The following DMXL1 variants were observed in gnomAD, a reference collection of about 807,000 sequenced individuals.
The protein encoded by DMXL1 is Dmx like 1, also known as dmX-like protein 1.
DMXL1 carries 99 observed loss-of-function variants against 319.2 expected under a neutral mutation model. That is an observed-to-expected ratio of 0.31 (90% CI 0.26 to 0.37). DMXL1 has a LOEUF of 0.37. DMXL1 is among the 10% of genes least tolerant of loss of function. The pLI, the probability that DMXL1 is intolerant of heterozygous loss-of-function variation, is 1.00. For synonymous variants in DMXL1, 1,385 were observed against 1,235.2 expected (o/e 1.12, Z -2.54); for missense variants, 3,745 against 3,595.6 (o/e 1.04, Z -1.06).
intron 9 of DMXL1, among the ~76,000 whole-genome samples, chr5:119,122,421 C>T (rs1020182710): frequency 3.1e-4 from 46 of 148,332 alleles, no homozygotes; most frequent in Non-Finnish European, 1.2e-4. Context: ...CCGGATGGGG[C>T]AGCTGGCCGG....
intron 7 of DMXL1, among the ~76,000 whole-genome samples, chr5:119,117,953 T>C (rs970474153): frequency 2.6e-5 from 4 of 152,276 alleles, no homozygotes; most frequent in African/African-American, 7.2e-5. Context: ...ATATGTATGC[T>C]GGAACAAGTT....
At chr5:119,219,560 A>T (rs61578098) in intron 35 of DMXL1, among the ~76,000 whole-genome samples, 12 of 151,132 alleles carry the variant, frequency 7.9e-5, no homozygotes, top group African/African-American at 2.9e-4. Flanking sequence ...ACATTTAATT[A>T]ATTAATTAAT....
At chr5:119,204,927 A>G (rs1366130547) in intron 33 of DMXL1, among the ~76,000 whole-genome samples, 2 of 152,210 alleles carry the variant, frequency 1.3e-5, no homozygotes, top group Admixed American at 6.5e-5. Context: ...TTAAAGGAAA[A>G]TTACATATAT....
intron 35 of DMXL1, among the ~76,000 whole-genome samples, chr5:119,220,010 C>CT (rs5870841): frequency 2.0e-4 from 28 of 140,118 alleles, no homozygotes; most frequent in South Asian, 6.8e-4. Context: ...TTTCCCACTT[C>CT]TTTTTTTTTT....
intron 29 of DMXL1, 53 bp downstream of exon 29, chr5:119,189,939 A>C: frequency 1.3e-6 from 2 of 1,512,138 alleles, no homozygotes; most frequent in Non-Finnish European, 1.8e-6. Context: ...AGAAATGAGA[A>C]TATCAGAAAT....
intron 38 of DMXL1, 66 bp from the exon 39 acceptor site, chr5:119,233,274 T>C (rs967622077): frequency 2.0e-6 from 3 of 1,527,954 alleles, no homozygotes; most frequent in Non-Finnish European, 2.7e-6. Flanking sequence ...TCACATAGGA[T>C]AAAGAAATAA....
chr5:119,129,246 C>G lies in DMXL1; in HGVS notation c.1138C>G (p.Leu380Val). 1.2e-6 allele frequency: 2 copies of G among 1,612,986 alleles called. No homozygotes were observed. The highest frequency in any genetic ancestry group is 1.7e-6 in the Non-Finnish European group (2 of 1,179,350). The change falls in exon 10 of 44, where the codon CTA becomes GTA. Residue 380 changes from leucine (L) to valine (V), a missense_variant. Transcript: ENST00000539542. The stretch of plus-strand genomic sequence containing the variant: ...TCTTCCATCTATTACATCTCTGAGT[C>G]TAAATGAAAATGAAGAGAAGACCGG... ...PLLPSITSLS[L>V]NENEEKTGPF...
Position 119,189,739 on chromosome 5 carries a change from GAAC to G in DMXL1, c.7170_7172del (p.Asn2390del). The G allele has an allele frequency of 6.2e-7, 1 of 1,613,990 alleles. No homozygotes were observed. Among genetic ancestry groups the G allele is most frequent in the South Asian group, 1.1e-5 (1 of 91,068 alleles). On this transcript the variant is annotated inframe_deletion, in exon 29 of 44. Transcript: ENST00000539542. Reference sequence around the variant, plus strand: ...CACTAGTTGAAGAAGGAGAAAAACAGAACAAACGTTTTAGGCCGTCAAAAATGT... The same window carrying G: ...CACTAGTTGAAGAAGGAGAAAAACAGAAACGTTTTAGGCCGTCAAAAATGT...
intron 32 of DMXL1, among the ~76,000 whole-genome samples, chr5:119,198,723 C>G (rs1780114140): frequency 6.6e-6 from 1 of 152,204 alleles, no homozygotes; most frequent in African/African-American, 2.4e-5. Flanking sequence ...TGACTTCAAA[C>G]TGTACTACAA....
chr5:119,071,334 C>T lies in DMXL1; in HGVS notation c.-236C>T. 1.9e-6 allele frequency: 1 copy of T among 521,736 alleles called. No homozygotes were observed. The highest frequency in any genetic ancestry group is 3.4e-6 in the Non-Finnish European group (1 of 296,138). The allele number at this position is 521,736 out of a possible 1,614,324, so 32.3% of individuals were successfully genotyped here. ...GCTAGCGCGGGGAGTGACAGGTGCG[C>T]GAAGGAGCGCGGCGCTCCGCCCTCT... is the stretch of plus-strand genomic sequence containing the variant. On this transcript the variant is annotated 5_prime_UTR_variant, in exon 1 of 44. Coordinates refer to ENST00000539542, the MANE Select transcript of DMXL1 (RefSeq NM_001290321.3).
chr5:119,248,885 G>T lies in DMXL1; in HGVS notation c.*1666G>T, dbSNP rs1042410704. 6.6e-6 allele frequency: 1 copy of T among 152,388 alleles called. No individual in the cohort carries two copies. The highest frequency in any genetic ancestry group is 1.5e-5 in the Non-Finnish European group (1 of 67,904). 9.4% of individuals were successfully genotyped at this position (152,388 alleles called of 1,614,324 possible). A position where few individuals can be genotyped will look rare whatever the true frequency, so the allele number is the denominator to read the frequency against. On this transcript the variant is annotated 3_prime_UTR_variant, in exon 44 of 44. Coordinates refer to ENST00000539542, the MANE Select transcript of DMXL1 (RefSeq NM_001290321.3). ...TGACAGCATTGCAAACAATAGTATT[G>T]TTTGATGTAGTTAACCTTAAGTTAT...
chr5:119,148,655 A>T, intron 17 of DMXL1, 84 bp from the exon 18 acceptor site: 1 of 1,375,734 alleles, frequency 7.3e-7, no homozygotes, highest in East Asian at 2.3e-5. Flanking sequence ...AGTAGTTAAT[A>T]CAAAAGACTA....
intron 25 of DMXL1, among the ~76,000 whole-genome samples, chr5:119,173,736 G>GTA (rs199498213): frequency 6.3e-5 from 7 of 111,918 alleles, no homozygotes; most frequent in Non-Finnish European, 1.1e-4. Context: ...ATATATGTGT[G>GTA]TATATATATA....
At chr5:119,140,260 A>G (rs1767008362) in intron 13 of DMXL1, among the ~76,000 whole-genome samples, 2 of 152,250 alleles carry the variant, frequency 1.3e-5, no homozygotes, top group African/African-American at 4.8e-5. Context: ...AAGATAAGCA[A>G]TAATCAAAAT....
chr5:119,147,664 C>G, intron 17 of DMXL1, 194 bp downstream of exon 17: 1 of 462,366 alleles, frequency 2.2e-6, no homozygotes, highest in East Asian at 3.3e-5. Context: ...TCAGCCAGTT[C>G]TAGTCTTAAA....
chr5:119,116,752 G>T (rs868556991), intron 7 of DMXL1, among the ~76,000 whole-genome samples: 3 of 152,194 alleles, frequency 2.0e-5, no homozygotes, highest in Middle Eastern at 3.4e-3. Context: ...TTATTAAGAG[G>T]ATATATCATG....
chr5:119,241,681 G>A (rs982628558), intron 42 of DMXL1, among the ~76,000 whole-genome samples: 2 of 152,086 alleles, frequency 1.3e-5, no homozygotes, highest in African/African-American at 2.4e-5. Flanking sequence ...AGCACTTCCA[G>A]CATTACTAGT....
chr5:119,146,936 A>T lies in DMXL1; in HGVS notation c.2669A>T (p.Lys890Met). The T allele has an allele frequency of 6.2e-7, 1 of 1,612,434 alleles. No individual in the cohort carries two copies. Among genetic ancestry groups the T allele is most frequent in the East Asian group, 2.2e-5 (1 of 44,756 alleles). ...TTACACATGTGGAATTTACATCTAAAGTCAATTCCTGTCTCATTAGGTGAG... is the reference window on the plus strand; with the variant it reads ...TTACACATGTGGAATTTACATCTAATGTCAATTCCTGTCTCATTAGGTGAG... ...SLLHMWNLHL[K>M]SIPVSLDEKV... Residue 890 changes from lysine to methionine, a missense_variant, in exon 16 of 44, where the codon AAG becomes ATG. Physicochemically the swap from Lys to Met is moderately conservative, Grantham distance 95. Coordinates refer to ENST00000539542, the MANE Select transcript of DMXL1 (RefSeq NM_001290321.3).
chr5:119,091,832 T>G (rs1024802761), intron 1 of DMXL1, among the ~76,000 whole-genome samples: 1 of 152,204 alleles, frequency 6.6e-6, no homozygotes, highest in African/African-American at 2.4e-5. Context: ...CTGAACAGCC[T>G]CTCTCATGTG....
Sources: allele counts gnomAD v4.1 joint callset (sites outside exome capture counted in the v4.1 genomes callset), GRCh38; gene constraint gnomAD v4.1.1; transcripts MANE v1.5; gene names NCBI Gene and HGNC (gene_info 2026-07-23, HGNC 2026-07-21).